BACE2: variants seen among roughly 807,000 people sequenced by gnomAD.
BACE2 encodes 56 kDa aspartic-like protease.
Under a neutral mutation model 46.2 loss-of-function variants are expected in BACE2, and 17 were observed. The observed-to-expected ratio is 0.37, with a 90% CI of 0.25 to 0.55. BACE2 has a LOEUF of 0.55. BACE2 is among the 20% of genes least tolerant of loss of function. The probability of loss-of-function intolerance (pLI) is 0.82; values close to 1 mark genes in which losing one functional copy is unlikely to be tolerated. For synonymous variants in BACE2, 277 were observed against 295.9 expected (o/e 0.94, Z 0.66); for missense variants, 595 against 698.1 (o/e 0.85, Z 1.66).
chr21:41,223,486 G>A (rs1033484719), intron 1 of BACE2, among the ~76,000 whole-genome samples: 4 of 152,140 alleles, frequency 2.6e-5, no homozygotes, highest in Non-Finnish European at 4.4e-5. Flanking sequence ...CCAGCCCCTG[G>A]CCATGGTTGT....
intron 8 of BACE2, among the ~76,000 whole-genome samples, chr21:41,261,873 C>G (rs1284029487): frequency 6.6e-6 from 1 of 152,024 alleles, no homozygotes; most frequent in African/African-American, 2.4e-5. Flanking sequence ...TGTCAACCAT[C>G]TAGATTTAGT....
intron 2 of BACE2, among the ~76,000 whole-genome samples, chr21:41,235,854 A>AAATGAATGAATGAATGAATG (rs150387265): frequency 1.2e-4 from 18 of 151,546 alleles, no homozygotes; most frequent in African/African-American, 4.4e-4. Context: ...AAGAAATAAT[A>AAATGAATGAATGAATGAATG]AATGAATGAA....
chr21:41,241,737 T>G, intron 3 of BACE2, 82 bp from the exon 4 acceptor site: 5 of 1,507,652 alleles, frequency 3.3e-6, no homozygotes, highest in Non-Finnish European at 4.5e-6. Context: ...GGAATGTCTG[T>G]GGCGCGTGGC....
At chr21:41,201,346 C>T (rs1410180795) in intron 1 of BACE2, among the ~76,000 whole-genome samples, 3 of 152,236 alleles carry the variant, frequency 2.0e-5, no homozygotes, top group African/African-American at 7.2e-5. Context: ...AATCAAGACA[C>T]ATCCCACTTG....
chr21:41,238,262 G>A (rs1987182945), intron 3 of BACE2, among the ~76,000 whole-genome samples: 1 of 152,236 alleles, frequency 6.6e-6, no homozygotes, highest in Non-Finnish European at 1.5e-5. Context: ...CCTTCCCAGT[G>A]GTGGTGAGCC....
rs1351924238 is a variant in BACE2 at position 41,281,799 on chromosome 21, G to A, written c.*6175G>A. The stretch of plus-strand genomic sequence containing the variant: ...TTCTTTGTTGCTAGTGGTATAAAAC[G>A]AGATTTTTTTCCCTCATTTTTCTCA... On this transcript the variant is annotated 3_prime_UTR_variant, in exon 9 of 9. Coordinates refer to ENST00000330333, the MANE Select transcript of BACE2 (RefSeq NM_012105.5). The A allele has an allele frequency of 2.6e-5, 4 of 152,100 alleles. No homozygotes were observed. The highest frequency in any genetic ancestry group is 1.9e-4 in the East Asian group (1 of 5,190). 9.4% of individuals were successfully genotyped at this position (152,100 alleles called of 1,614,324 possible). A position where few individuals can be genotyped will look rare whatever the true frequency, so the allele number is the denominator to read the frequency against.
At position 41,242,219 on chromosome 21, in the gene BACE2, T is replaced by C. The variant is rs149508210; in HGVS notation, c.747+272T>C. ...GCCCTTGGAAGGGCACTGCTTTCTG[T>C]GGGTGGGGGAGGGACAAGTGAGGAG... On this transcript the variant is annotated intron_variant, in intron 4 of 8. Coordinates refer to ENST00000330333, the MANE Select transcript of BACE2 (RefSeq NM_012105.5). 0.02 allele frequency among the ~76,000 whole-genome samples: 1,647 copies of C among 82,412 alleles called. 13 individuals carry two copies. The highest frequency in any genetic ancestry group is 0.035 in the Admixed American group (230 of 6,530). 54.1% of individuals were successfully genotyped at this position (82,412 alleles called of 152,430 possible). A position where few individuals can be genotyped will look rare whatever the true frequency, so the allele number is the denominator to read the frequency against.
chr21:41,214,492 GA>G (rs1319163912), intron 1 of BACE2, among the ~76,000 whole-genome samples: 2 of 152,184 alleles, frequency 1.3e-5, no homozygotes, highest in African/African-American at 4.8e-5. Context: ...TGCCAAAGAC[GA>G]ACAGTTTTCA....
chr21:41,200,872 C>T (rs1237009651), intron 1 of BACE2, among the ~76,000 whole-genome samples: 1 of 152,212 alleles, frequency 6.6e-6, no homozygotes, highest in Admixed American at 6.5e-5. Flanking sequence ...TGAGAAGATA[C>T]GTGTCCGTTG....
chr21:41,221,593 C>A (rs758881313), intron 1 of BACE2, among the ~76,000 whole-genome samples: 4,429 of 152,074 alleles, frequency 0.029, 161 homozygotes, highest in African/African-American at 0.086. Context: ...TGGGAGGCCG[C>A]AGAGGGTGGA....
At chr21:41,199,785 C>A (rs907674084) in intron 1 of BACE2, among the ~76,000 whole-genome samples, 1 of 152,126 alleles carries the variant, frequency 6.6e-6, no homozygotes, top group African/African-American at 2.4e-5. Context: ...TGTGCCCTGC[C>A]CCTCAGGCCA....
intron 8 of BACE2, among the ~76,000 whole-genome samples, chr21:41,261,431 G>A (rs1453051558): frequency 6.6e-6 from 1 of 152,064 alleles, no homozygotes; most frequent in African/African-American, 2.4e-5. Flanking sequence ...AATATAGTGT[G>A]CACATTTTTC....
rs961882533 is a variant in BACE2, at chr21:41,280,966, G to T, written c.*5342G>T. The T allele has an allele frequency of 1.3e-5, 2 of 152,244 alleles. No homozygotes were observed. The highest frequency in any genetic ancestry group is 2.4e-5 in the African/African-American group (1 of 41,452). The allele number at this position is 152,244 out of a possible 1,614,324, so 9.4% of individuals were successfully genotyped here. A position where few individuals can be genotyped will look rare whatever the true frequency, so the allele number is the denominator to read the frequency against. ...TCCTGATAAATTTGAATCCAGCCAC[G>T]GCAAGAGCGACGTGCGGGTACCTGG... On this transcript the variant is annotated 3_prime_UTR_variant, in exon 9 of 9. Coordinates refer to ENST00000330333, the MANE Select transcript of BACE2 (RefSeq NM_012105.5).
intron 1 of BACE2, among the ~76,000 whole-genome samples, chr21:41,207,240 G>A (rs1568867694): frequency 1.3e-5 from 2 of 152,180 alleles, no homozygotes; most frequent in Non-Finnish European, 2.9e-5. Flanking sequence ...AGTGGCTTTA[G>A]TTGTCGCTTG....
intron 1 of BACE2, among the ~76,000 whole-genome samples, chr21:41,209,533 C>T (rs1444674775): frequency 2.0e-5 from 3 of 152,176 alleles, no homozygotes; most frequent in Non-Finnish European, 4.4e-5. Flanking sequence ...ATTTGAGAAA[C>T]AGCCCTGTAA....
At chr21:41,182,623 C>A (rs1184174368) in intron 1 of BACE2, 1 of 167,098 alleles carries the variant, frequency 6.0e-6, no homozygotes, top group Non-Finnish European at 1.5e-5. Flanking sequence ...AACCCCATTT[C>A]CTGGCTTCTA....
At chr21:41,194,469 G>C (rs1268849663) in intron 1 of BACE2, among the ~76,000 whole-genome samples, 1 of 152,206 alleles carries the variant, frequency 6.6e-6, no homozygotes, top group African/African-American at 2.4e-5. Context: ...CACAGTTGTA[G>C]GCAGTGGATC....
intron 8 of BACE2, among the ~76,000 whole-genome samples, chr21:41,260,794 G>A (rs1004526884): frequency 6.6e-6 from 1 of 152,186 alleles, no homozygotes; most frequent in Non-Finnish European, 1.5e-5. Flanking sequence ...AGGGGACGAC[G>A]CAGGTAAATG....
At chr21:41,255,624 G>A (rs1987762838) in intron 7 of BACE2, among the ~76,000 whole-genome samples, 1 of 152,202 alleles carries the variant, frequency 6.6e-6, no homozygotes, top group Non-Finnish European at 1.5e-5. Context: ...CAGGGACTGT[G>A]TGTCATTCAC....
Sources: gnomAD v4.1 joint callset for allele counts (sites outside exome capture counted in the v4.1 genomes callset) on GRCh38, gnomAD v4.1.1 for gene constraint, MANE v1.5 for transcripts, NCBI Gene and HGNC (gene_info 2026-07-23, HGNC 2026-07-21) for gene names.